The following TMEM132C variants were observed in gnomAD, a reference collection of about 807,000 sequenced individuals.
The protein encoded by TMEM132C is protein phosphatase 1, regulatory subunit 152.
Under a neutral mutation model 61.4 loss-of-function variants are expected in TMEM132C, and 29 were observed. The observed-to-expected ratio is 0.47, with a 90% CI of 0.35 to 0.64. The LOEUF is 0.64. Among genes scored for constraint, TMEM132C ranks in the 30% least tolerant of loss-of-function variants. The pLI, the probability that TMEM132C is intolerant of heterozygous loss-of-function variation, is 0.00. For missense variants in TMEM132C, 1,408 were observed against 1,476.9 expected (o/e 0.95, Z 0.76); for synonymous variants, 656 against 633.1 (o/e 1.04, Z -0.54).
At chr12:128,398,063 A>G (rs904969199) in intron 1 of TMEM132C, among the ~76,000 whole-genome samples, 1 of 152,220 alleles carries the variant, frequency 6.6e-6, no homozygotes, top group Admixed American at 6.5e-5. Context: ...GCAATATTAA[A>G]TAAGAACCAC....
At chr12:128,270,394 CTT>C (rs894501454) in intron 1 of TMEM132C, among the ~76,000 whole-genome samples, 2 of 152,146 alleles carry the variant, frequency 1.3e-5, no homozygotes, top group Non-Finnish European at 2.9e-5. Flanking sequence ...ATCGTGCTGA[CTT>C]TGTGTGCAAT....
intron 3 of TMEM132C, among the ~76,000 whole-genome samples, chr12:128,578,683 C>T (rs1378206605): frequency 2.0e-5 from 3 of 152,038 alleles, no homozygotes; most frequent in East Asian, 1.9e-4. Context: ...CTGCAATCTC[C>T]GCCTCCTGGG....
intron 1 of TMEM132C, among the ~76,000 whole-genome samples, chr12:128,365,796 T>C (rs554350425): frequency 2.0e-5 from 3 of 152,282 alleles, no homozygotes; most frequent in East Asian, 3.9e-4. Context: ...TAAAAACTCC[T>C]GGGCCCCTTG....
intron 1 of TMEM132C, among the ~76,000 whole-genome samples, chr12:128,393,974 G>GTGTATTAGT (rs1432892272): frequency 1.3e-5 from 2 of 152,110 alleles, no homozygotes; most frequent in East Asian, 3.8e-4. Flanking sequence ...TTTAAAGACG[G>GTGTATTAGT]TGTATTAGTC....
chr12:128,309,821 C>T (rs1338427188), intron 1 of TMEM132C, among the ~76,000 whole-genome samples: 4 of 152,012 alleles, frequency 2.6e-5, no homozygotes, highest in Admixed American at 6.5e-5. Context: ...TAGCCTCCTC[C>T]GCCTCATGGC....
chr12:128,445,157 G>A (rs1172159318), intron 2 of TMEM132C, among the ~76,000 whole-genome samples: 1 of 150,900 alleles, frequency 6.6e-6, no homozygotes, highest in Non-Finnish European at 1.5e-5. Context: ...GGAAATTGTC[G>A]ACTTTTTTTC....
chr12:128,447,705 CTTTTTTTTTTTTTT>C (rs767506039), intron 2 of TMEM132C, among the ~76,000 whole-genome samples: 12 of 58,628 alleles, frequency 2.0e-4, no homozygotes, highest in East Asian at 5.1e-4. Flanking sequence ...ATTTCAAGTG[CTTTTTTTTTTTTTT>C]TTTTTTTTTT....
At chr12:128,578,295 G>C (rs1388789138) in intron 3 of TMEM132C, among the ~76,000 whole-genome samples, 2 of 152,176 alleles carry the variant, frequency 1.3e-5, no homozygotes, top group African/African-American at 4.8e-5. Flanking sequence ...AGCGAGGCAG[G>C]CTGCCGGCCC....
At chr12:128,413,027 G>T (rs1455247588) in intron 1 of TMEM132C, among the ~76,000 whole-genome samples, 1 of 152,050 alleles carries the variant, frequency 6.6e-6, no homozygotes, top group African/African-American at 2.4e-5. Context: ...GGCCAGGCAC[G>T]GTGGCTCACA....
At chr12:128,426,236 G>C (rs1351136643) in intron 2 of TMEM132C, among the ~76,000 whole-genome samples, 1 of 152,232 alleles carries the variant, frequency 6.6e-6, no homozygotes, top group Non-Finnish European at 1.5e-5. Context: ...CAGTCTGCAT[G>C]CATGCCGTTA....
chr12:128,319,587 G>T (rs1872261902), intron 1 of TMEM132C, among the ~76,000 whole-genome samples: 1 of 152,058 alleles, frequency 6.6e-6, no homozygotes, highest in Admixed American at 6.5e-5. Context: ...CAGCACTTTG[G>T]GAGGCCGAGA....
At position 128,320,744 on chromosome 12, in the gene TMEM132C, T is replaced by A. The variant is rs1872304072; in HGVS notation, c.85+53257T>A. ...GCAGTGAGCTGAGATCACACCAGTG[T>A]ACTCCAGCCTGGGCGACACAGCAAG... On this transcript the variant is annotated intron_variant, in intron 1 of 8. Transcript: ENST00000435159. 2.0e-5 allele frequency among the ~76,000 whole-genome samples: 3 copies of A among 150,264 alleles called. No homozygotes were observed. The South Asian group carries it at 6.3e-4, about 31-fold the overall frequency.
At chr12:128,611,892 A>C (rs1876646501) in intron 3 of TMEM132C, among the ~76,000 whole-genome samples, 1 of 152,232 alleles carries the variant, frequency 6.6e-6, no homozygotes, top group Non-Finnish European at 1.5e-5. Flanking sequence ...ACAGAGCGGA[A>C]CCAGCGACAC....
chr12:128,559,432 G>C (rs1004661112), intron 3 of TMEM132C, among the ~76,000 whole-genome samples: 3 of 152,052 alleles, frequency 2.0e-5, no homozygotes, highest in African/African-American at 7.2e-5. Context: ...TGCAAAGACT[G>C]TTTTGTACTT....
intron 5 of TMEM132C, among the ~76,000 whole-genome samples, chr12:128,672,646 G>A (rs895878467): frequency 2.0e-5 from 3 of 152,204 alleles, no homozygotes; most frequent in African/African-American, 7.2e-5. Flanking sequence ...GGACATCAGA[G>A]CAGGCAGGCT....
intron 8 of TMEM132C, among the ~76,000 whole-genome samples, chr12:128,699,409 G>C: frequency 6.6e-6 from 1 of 152,198 alleles, no homozygotes; most frequent in East Asian, 1.9e-4. Flanking sequence ...AATTATTTGG[G>C]TGGTGGCAGA....
At chr12:128,617,538 A>G (rs61938659) in intron 4 of TMEM132C, among the ~76,000 whole-genome samples, 50,146 of 151,184 alleles carry the variant, frequency 0.33, 8,440 homozygotes, top group East Asian at 0.4. Context: ...GGTGAAGGAG[A>G]TGTAGCAGCA....
chr12:128,636,729 G>A (rs1954107337), intron 4 of TMEM132C, among the ~76,000 whole-genome samples: 1 of 152,086 alleles, frequency 6.6e-6, no homozygotes, highest in Admixed American at 6.5e-5. Context: ...CACCTGGCAT[G>A]ACTGAAACTT....
chr12:128,694,861 T>A (rs1431281283), intron 6 of TMEM132C, among the ~76,000 whole-genome samples: 1 of 152,214 alleles, frequency 6.6e-6, no homozygotes, highest in Non-Finnish European at 1.5e-5. Flanking sequence ...TCCACATCCC[T>A]GAGGGGGAAG....
Sources: gnomAD v4.1 joint callset for allele counts (sites outside exome capture counted in the v4.1 genomes callset) on GRCh38, gnomAD v4.1.1 for gene constraint, MANE v1.5 for transcripts, NCBI Gene and HGNC (gene_info 2026-07-23, HGNC 2026-07-21) for gene names.